WDR35: variants seen among roughly 807,000 people sequenced by gnomAD.
The protein encoded by WDR35 is WD repeat-containing protein 35.
WDR35 carries 118 observed loss-of-function variants against 158.3 expected under a neutral mutation model. That is an observed-to-expected ratio of 0.75 (90% CI 0.64 to 0.87). WDR35 has a LOEUF of 0.87. WDR35 is among the 40% of genes least tolerant of loss of function. The pLI is 0.00. For synonymous variants in WDR35, 448 were observed against 476.1 expected (o/e 0.94, Z 0.77); for missense variants, 1,263 against 1,405.8 (o/e 0.90, Z 1.62).
chr2:19,971,815 A>G (rs1358220546), intron 8 of WDR35, among the ~76,000 whole-genome samples: 2 of 152,224 alleles, frequency 1.3e-5, no homozygotes, highest in Admixed American at 1.3e-4. Context: ...TGGCAGCAGC[A>G]AGGAAAGAAA....
At chr2:19,917,192 A>G (rs910142757) in intron 25 of WDR35, among the ~76,000 whole-genome samples, 1 of 152,240 alleles carries the variant, frequency 6.6e-6, no homozygotes, top group African/African-American at 2.4e-5. Context: ...AAGGAATAGT[A>G]TCAACACCAA....
intron 2 of WDR35, among the ~76,000 whole-genome samples, chr2:19,984,006 T>C (rs1672470527): frequency 7.8e-4 from 2 of 2,576 alleles, no homozygotes. Flanking sequence ...CTAATGCATA[T>C]ATATATATAT....
intron 23 of WDR35, among the ~76,000 whole-genome samples, chr2:19,931,868 G>A (rs992196094): frequency 2.6e-5 from 4 of 151,994 alleles, no homozygotes; most frequent in East Asian, 1.9e-4. Flanking sequence ...TAGAATAGAA[G>A]GTAAAATGTG....
chr2:19,945,394 T>C (rs549138632), intron 16 of WDR35, among the ~76,000 whole-genome samples: 18 of 152,208 alleles, frequency 1.2e-4, no homozygotes, highest in Middle Eastern at 3.4e-3. Flanking sequence ...CAGAAAAGAA[T>C]GAATGGACAA....
intron 21 of WDR35, 183 bp downstream of exon 21, chr2:19,935,288 C>T (rs1670656444): frequency 1.8e-6 from 1 of 543,736 alleles, no homozygotes. Flanking sequence ...TTTCCTCCTC[C>T]ATTTTCAAGC....
chr2:19,925,393 A>G (rs897596381), intron 25 of WDR35, among the ~76,000 whole-genome samples: 2 of 152,232 alleles, frequency 1.3e-5, no homozygotes, highest in African/African-American at 4.8e-5. Flanking sequence ...ATATATTTGG[A>G]AGCACAAATA....
chr2:19,980,879 T>C (rs1353224755), intron 3 of WDR35, 96 bp from the exon 4 acceptor site: 8 of 1,107,680 alleles, frequency 7.2e-6, no homozygotes, highest in South Asian at 2.6e-5. Flanking sequence ...AAAATCAATA[T>C]GGTTCCTGTA....
intron 8 of WDR35, 91 bp from the exon 9 acceptor site, chr2:19,969,696 T>A (rs1572357485): frequency 1.5e-6 from 2 of 1,371,186 alleles, no homozygotes; most frequent in East Asian, 4.7e-5. Flanking sequence ...AAAAGTGGTA[T>A]GAACATTATT....
At chr2:19,967,409 C>T (rs995566550) in intron 9 of WDR35, among the ~76,000 whole-genome samples, 7 of 151,956 alleles carry the variant, frequency 4.6e-5, no homozygotes, top group Non-Finnish European at 5.9e-5. Context: ...ATGTAGAACC[C>T]CCTGCCAAAT....
chr2:19,974,547 G>T lies in WDR35; in HGVS notation c.657C>A (p.Tyr219Ter). The change falls in exon 7 of 27, where the codon TAC (tyrosine) becomes TAA (stop). Residue 219 changes from tyrosine (Y) to a stop codon, truncating the protein, a stop_gained. Transcript: ENST00000281405. LOFTEE classifies it high-confidence loss of function. The part of the protein sequence containing the change: ...GIHWYHGTEG[Y>*]VEPDCPCLAV... The stretch of plus-strand genomic sequence containing the variant: ...CAAGGCAAGGGCAATCAGGCTCCAC[G>T]TAGCCTTCTGTGCCATGGTACCAAT... 6.2e-7 allele frequency: 1 copy of T among 1,613,312 alleles called. No homozygotes were observed. Among genetic ancestry groups the T allele is most frequent in the East Asian group, 2.2e-5 (1 of 44,846 alleles).
intron 12 of WDR35, among the ~76,000 whole-genome samples, chr2:19,953,555 T>C (rs1671317757): frequency 6.6e-6 from 1 of 152,188 alleles, no homozygotes; most frequent in Non-Finnish European, 1.5e-5. Context: ...GTATAGCATA[T>C]TAACTCTAAT....
In WDR35 at chr2:19,985,899, GAAAAAAAAA is replaced by G. The variant is rs70939024; in HGVS notation, c.142+3257_142+3265del. Among the ~76,000 whole-genome samples the G allele has an allele frequency of 2.1e-4, 15 of 71,200 alleles. 1 individual carries two copies. Among genetic ancestry groups the G allele is most frequent in the South Asian group, 1.1e-3 (3 of 2,748 alleles). The allele number at this position is 71,200 out of a possible 152,430, so 46.7% of individuals were successfully genotyped here. On this transcript the variant is annotated intron_variant, in intron 2 of 26. Transcript: ENST00000281405. Reference sequence around the variant, plus strand: ...GCAACAGAGTGAGACCCCATCTCGGGAAAAAAAAAAAAAAAAAAAAAAAAAAGCCTGACA... The same window carrying G: ...GCAACAGAGTGAGACCCCATCTCGGGAAAAAAAAAAAAAAAAAGCCTGACA...
At chr2:19,955,694 T>A (rs1182759729) in intron 11 of WDR35, among the ~76,000 whole-genome samples, 2 of 152,198 alleles carry the variant, frequency 1.3e-5, no homozygotes, top group Non-Finnish European at 2.9e-5. Flanking sequence ...ATCATTAATA[T>A]GGCCGGAATA....
intron 11 of WDR35, among the ~76,000 whole-genome samples, chr2:19,954,306 A>G (rs1416025383): frequency 6.6e-6 from 1 of 152,246 alleles, no homozygotes; most frequent in Non-Finnish European, 1.5e-5. Context: ...CAAATGACAA[A>G]AGAAAAATTA....
intron 12 of WDR35, among the ~76,000 whole-genome samples, chr2:19,953,180 G>A (rs1671304611): frequency 6.6e-6 from 1 of 152,130 alleles, no homozygotes; most frequent in South Asian, 2.1e-4. Context: ...CAAACACAGA[G>A]TATCACTAAT....
chr2:19,916,003 T>C (rs751252293), intron 25 of WDR35, among the ~76,000 whole-genome samples: 31 of 151,672 alleles, frequency 2.0e-4, no homozygotes, highest in Non-Finnish European at 2.9e-4. Flanking sequence ...CCCAGCAAGA[T>C]TGACGCAGAA....
chr2:19,975,378 A>C, intron 6 of WDR35, 152 bp downstream of exon 6: 1 of 1,034,564 alleles, frequency 9.7e-7, no homozygotes. Flanking sequence ...TTAAAACAAA[A>C]TTTAGACGAT....
chr2:19,961,380 T>C (rs1343703320), intron 10 of WDR35, among the ~76,000 whole-genome samples: 1 of 152,218 alleles, frequency 6.6e-6, no homozygotes, highest in African/African-American at 2.4e-5. Flanking sequence ...TAGTCAACAC[T>C]ATAGACATCT....
At chr2:19,955,731 A>G (rs1325939103) in intron 11 of WDR35, among the ~76,000 whole-genome samples, 4 of 152,228 alleles carry the variant, frequency 2.6e-5, no homozygotes, top group Non-Finnish European at 5.9e-5. Context: ...AGGAGGTACC[A>G]TTTATAGAGT....
Sources: allele counts gnomAD v4.1 joint callset (sites outside exome capture counted in the v4.1 genomes callset), GRCh38; gene constraint gnomAD v4.1.1; transcripts MANE v1.5; gene names NCBI Gene and HGNC (gene_info 2026-07-23, HGNC 2026-07-21).